MAP3K2: variants seen among roughly 807,000 people sequenced by gnomAD.
The protein encoded by MAP3K2 is mitogen-activated protein kinase kinase kinase 2.
In MAP3K2, 24 loss-of-function variants were observed where a neutral mutation model predicts 80.3. That is an observed-to-expected ratio of 0.30 (90% CI 0.22 to 0.42). The LOEUF (loss-of-function observed/expected upper bound fraction) is 0.42, where lower values mean the gene tolerates loss of function less well. Among genes scored for constraint, MAP3K2 ranks in the 10% least tolerant of loss-of-function variants. MAP3K2 has a pLI of 1.00. For missense variants in MAP3K2, 608 were observed against 750.1 expected (o/e 0.81, Z 2.21); for synonymous variants, 244 against 253.7 (o/e 0.96, Z 0.36).
intron 1 of MAP3K2, among the ~76,000 whole-genome samples, chr2:127,366,876 T>TTG (rs1686982319): frequency 7.1e-6 from 1 of 140,014 alleles, no homozygotes; most frequent in East Asian, 2.1e-4. Context: ...GTTTTTTTTT[T>TTG]TTTTTTTTTT....
intron 12 of MAP3K2, among the ~76,000 whole-genome samples, chr2:127,320,712 G>C (rs1392338610): frequency 6.6e-6 from 1 of 152,118 alleles, no homozygotes; most frequent in Admixed American, 6.6e-5. Flanking sequence ...AAAGCAGCTG[G>C]GGCAGCTGTG....
intron 4 of MAP3K2, among the ~76,000 whole-genome samples, chr2:127,337,534 T>C (rs1233293115): frequency 6.6e-6 from 1 of 152,232 alleles, no homozygotes; most frequent in Non-Finnish European, 1.5e-5. Context: ...GCAAAGACAT[T>C]AATCATTTCT....
intron 1 of MAP3K2, among the ~76,000 whole-genome samples, chr2:127,380,853 G>A (rs1687233044): frequency 6.6e-6 from 1 of 152,004 alleles, no homozygotes; most frequent in Non-Finnish European, 1.5e-5. Flanking sequence ...GAGAATAAGA[G>A]GAAAGGTTTT....
intron 1 of MAP3K2, among the ~76,000 whole-genome samples, chr2:127,362,233 G>A (rs1311948836): frequency 1.3e-5 from 2 of 152,188 alleles, no homozygotes; most frequent in East Asian, 1.9e-4. Flanking sequence ...GTGTGTGACC[G>A]CAGGCAAATG....
intron 1 of MAP3K2, among the ~76,000 whole-genome samples, chr2:127,354,340 C>T (rs1324255913): frequency 6.7e-6 from 1 of 150,002 alleles, no homozygotes; most frequent in Non-Finnish European, 1.5e-5. Context: ...AAAAGTAAAT[C>T]CCTTATTTGG....
chr2:127,359,560 A>G (rs966116389), intron 1 of MAP3K2, among the ~76,000 whole-genome samples: 2 of 152,216 alleles, frequency 1.3e-5, no homozygotes, highest in East Asian at 3.8e-4. Context: ...TTACAAAGGT[A>G]AACATGCACC....
At chr2:127,332,736 A>C (rs1187816250) in intron 5 of MAP3K2, among the ~76,000 whole-genome samples, 1 of 152,232 alleles carries the variant, frequency 6.6e-6, no homozygotes, top group Non-Finnish European at 1.5e-5. Flanking sequence ...CTAGAAAGGA[A>C]ACTTAAAATT....
At chr2:127,315,609 T>C (rs995790099) in intron 14 of MAP3K2, among the ~76,000 whole-genome samples, 6 of 152,228 alleles carry the variant, frequency 3.9e-5, no homozygotes, top group Non-Finnish European at 8.8e-5. Context: ...CACGGCTTGT[T>C]TGTTCAGTCT....
rs184772621 is a variant in MAP3K2 at position 127,374,140 on chromosome 2, T to C, written c.-66+13312A>G. On this transcript the variant is annotated intron_variant, in intron 1 of 16. Transcript: ENST00000682094. ...TTTACTAGCACTCAGAGAGCTGAGA[T>C]TGGAGCCTTAATATTAGCCTTAGAA... 2.0e-3 allele frequency among the ~76,000 whole-genome samples: 304 copies of C among 152,306 alleles called. 2 individuals are homozygous for C. The highest frequency in any genetic ancestry group is 7.1e-3 in the African/African-American group (297 of 41,548).
rs1473495959 is a variant in MAP3K2, at chr2:127,364,875, C to G, written c.-65-21681G>C. 6.6e-6 allele frequency among the ~76,000 whole-genome samples: 1 copy of G among 152,086 alleles called. No individual in the cohort carries two copies. Among genetic ancestry groups the G allele is most frequent in the Non-Finnish European group, 1.5e-5 (1 of 68,016 alleles). On this transcript the variant is annotated intron_variant, in intron 1 of 16. Transcript: ENST00000682094. This position sits in a 1 kb window ranked among gnomAD's most constrained non-coding sequence, Gnocchi z 4.1. ...AGGCGCAGTGGCTCACGCCTGTAAT[C>G]CTAGCACTGTGGAAGGCCAAGGCAG... is the stretch of plus-strand genomic sequence containing the variant.
At chr2:127,327,509 C>T (rs1413827010) in intron 7 of MAP3K2, among the ~76,000 whole-genome samples, 2 of 150,922 alleles carry the variant, frequency 1.3e-5, no homozygotes, top group African/African-American at 4.9e-5. Flanking sequence ...TTATTCCTTC[C>T]ATATACCCGT....
chr2:127,363,933 G>C (rs775950307), intron 1 of MAP3K2, among the ~76,000 whole-genome samples: 20 of 152,152 alleles, frequency 1.3e-4, no homozygotes, highest in Non-Finnish European at 1.9e-4. Flanking sequence ...TGGGATTATA[G>C]GCAAGAGCCA....
chr2:127,303,803 C>T lies in MAP3K2; in HGVS notation c.*3776G>A, dbSNP rs1044217901. On this transcript the variant is annotated 3_prime_UTR_variant, in exon 17 of 17. Coordinates refer to ENST00000682094, the MANE Select transcript of MAP3K2 (RefSeq NM_001371910.2). ...TATCAAGCTATCAGTTCCCAGACTC[C>T]AAATAAAATCACTGGCACAGAACTT... is the stretch of plus-strand genomic sequence containing the variant. 1 of 152,154 alleles carries T rather than the reference C, an allele frequency of 6.6e-6. No individual in the cohort carries two copies. Among genetic ancestry groups the T allele is most frequent in the African/African-American group, 2.4e-5 (1 of 41,452 alleles). 9.4% of individuals were successfully genotyped at this position (152,154 alleles called of 1,614,324 possible). A position where few individuals can be genotyped will look rare whatever the true frequency, so the allele number is the denominator to read the frequency against.
intron 1 of MAP3K2, among the ~76,000 whole-genome samples, chr2:127,345,275 G>C (rs72964352): frequency 0.09 from 13,646 of 151,954 alleles, 795 homozygotes; most frequent in African/African-American, 0.17. Flanking sequence ...CACAAAAATT[G>C]TTGTGACAAA....
chr2:127,383,967 G>A lies in MAP3K2; in HGVS notation c.-66+3485C>T, dbSNP rs543312763. 5.6e-4 allele frequency among the ~76,000 whole-genome samples: 84 copies of A among 149,434 alleles called. No homozygotes were observed. In the South Asian group the frequency reaches 0.016, roughly 29 times the overall value. ...CTGCTCACCGCAAGCTCCACCTCCCGGGTTCACGCCATTCTCCTGCCTCAG... is the reference window on the plus strand; with the variant it reads ...CTGCTCACCGCAAGCTCCACCTCCCAGGTTCACGCCATTCTCCTGCCTCAG... On this transcript the variant is annotated intron_variant, in intron 1 of 16. Transcript: ENST00000682094.
intron 1 of MAP3K2, among the ~76,000 whole-genome samples, chr2:127,353,606 C>T (rs554272895): frequency 3.3e-5 from 5 of 151,152 alleles, no homozygotes; most frequent in East Asian, 2.0e-4. Flanking sequence ...CCGCCCCGTC[C>T]GGGAGGGAGG....
In MAP3K2 at chr2:127,303,915, T is replaced by A. The variant is rs570128173; in HGVS notation, c.*3664A>T. The A allele has an allele frequency of 6.6e-6, 1 of 152,294 alleles. No individual in the cohort carries two copies. The highest frequency in any genetic ancestry group is 1.5e-5 in the Non-Finnish European group (1 of 68,008). 9.4% of individuals were successfully genotyped at this position (152,294 alleles called of 1,614,324 possible). On this transcript the variant is annotated 3_prime_UTR_variant, in exon 17 of 17. Coordinates refer to ENST00000682094, the MANE Select transcript of MAP3K2 (RefSeq NM_001371910.2). ...TTTATTTTCTAAGTGATTTCACATA[T>A]CTTATAACAACTCCATGTCAGAAAT...
chr2:127,371,876 AACG>A (rs1687071341), intron 1 of MAP3K2, among the ~76,000 whole-genome samples: 1 of 152,188 alleles, frequency 6.6e-6, no homozygotes, highest in African/African-American at 2.4e-5. Context: ...ATTTGATAAA[AACG>A]ACAACTCCGT....
rs574265528 is a variant in MAP3K2, at chr2:127,357,562, G to T, written c.-65-14368C>A. 3.9e-5 allele frequency among the ~76,000 whole-genome samples: 6 copies of T among 152,270 alleles called. No homozygotes were observed. The South Asian group carries it at 6.2e-4, about 16-fold the overall frequency. On this transcript the variant is annotated intron_variant, in intron 1 of 16. Coordinates refer to ENST00000682094, the MANE Select transcript of MAP3K2 (RefSeq NM_001371910.2). ...ATTCTAAAACAAGTTTGAAAAAGAA[G>T]AAAGAGAACTTAAATTATGTAACTT...
Sources: gnomAD v4.1 joint callset for allele counts (sites outside exome capture counted in the v4.1 genomes callset) on GRCh38, gnomAD v4.1.1 for gene constraint, Gnocchi (gnomAD v3.1) non-coding constraint, MANE v1.5 for transcripts, NCBI Gene and HGNC (gene_info 2026-07-23, HGNC 2026-07-21) for gene names.